The following JAM2 variants were observed in gnomAD, a reference collection of about 807,000 sequenced individuals.
The protein encoded by JAM2 is junctional adhesion molecule B.
In JAM2, 17 loss-of-function variants were observed where a neutral mutation model predicts 42.0. The observed-to-expected ratio is 0.40, with a 90% CI of 0.28 to 0.61. The LOEUF is 0.61. Ranked by LOEUF, JAM2 falls within the 20% of genes least tolerant of loss-of-function variation. The probability of loss-of-function intolerance (pLI) is 0.37; values close to 1 mark genes in which losing one functional copy is unlikely to be tolerated. For synonymous variants in JAM2, 118 were observed against 128.6 expected (o/e 0.92, Z 0.56); for missense variants, 319 against 358.3 (o/e 0.89, Z 0.89).
chr21:25,709,367 TTTTA>T, intron 7 of JAM2, 63 bp from the exon 8 acceptor site: 4 of 828,442 alleles, frequency 4.8e-6, no homozygotes, highest in Non-Finnish European at 7.6e-6. Context: ...CCAAACTCAT[TTTTA>T]TATGAATCTG....
At chr21:25,661,891 A>G (rs2033098318) in intron 1 of JAM2, among the ~76,000 whole-genome samples, 1 of 151,942 alleles carries the variant, frequency 6.6e-6, no homozygotes, top group Non-Finnish European at 1.5e-5. Context: ...AACATGAGCA[A>G]AAAATTTAAA....
intron 1 of JAM2, among the ~76,000 whole-genome samples, chr21:25,645,223 A>T (rs76277076): frequency 1.3e-5 from 2 of 152,150 alleles, no homozygotes; most frequent in Non-Finnish European, 2.9e-5. Context: ...ATTGCATAGT[A>T]TGGTGGTAAA....
chr21:25,683,854 T>G, intron 1 of JAM2, 29 bp from the exon 2 acceptor site: 1 of 1,504,284 alleles, frequency 6.6e-7, no homozygotes, highest in South Asian at 1.2e-5. Flanking sequence ...TGTATAATTT[T>G]AATTATCCTA....
At chr21:25,680,067 G>A (rs1035310679) in intron 1 of JAM2, among the ~76,000 whole-genome samples, 35 of 152,226 alleles carry the variant, frequency 2.3e-4, no homozygotes, top group African/African-American at 8.2e-4. Flanking sequence ...CTTGTAAAGC[G>A]CCAAGTGCTT....
At position 25,716,144 on chromosome 21, in the gene JAM2, T is replaced by C. The variant is rs2034477031; in HGVS notation, c.*1472T>C. On this transcript the variant is annotated 3_prime_UTR_variant, in exon 10 of 10. Coordinates refer to ENST00000480456, the MANE Select transcript of JAM2 (RefSeq NM_021219.4). ...TCCCAAGTAGCTGAGATTATAGGCG[T>C]GTACCACCACACCTGGCTAATTTTT... is the stretch of plus-strand genomic sequence containing the variant. The C allele has an allele frequency of 6.6e-6, 1 of 152,088 alleles. No individual in the cohort carries two copies. Among genetic ancestry groups the C allele is most frequent in the African/African-American group, 2.4e-5 (1 of 41,392 alleles). The allele number at this position is 152,088 out of a possible 1,614,324, so 9.4% of individuals were successfully genotyped here.
At chr21:25,656,708 G>A (rs1452268814) in intron 1 of JAM2, among the ~76,000 whole-genome samples, 1 of 152,182 alleles carries the variant, frequency 6.6e-6, no homozygotes, top group East Asian at 1.9e-4. Context: ...AATGGAGGAA[G>A]AAGTTTCACT....
At chr21:25,675,687 G>T (rs1253583999) in intron 1 of JAM2, among the ~76,000 whole-genome samples, 7 of 152,010 alleles carry the variant, frequency 4.6e-5, no homozygotes, top group Non-Finnish European at 1.0e-4. Flanking sequence ...CAGATCTCAG[G>T]AGAGCTCGCT....
chr21:25,649,118 G>A (rs760014124), intron 1 of JAM2, among the ~76,000 whole-genome samples: 13 of 152,142 alleles, frequency 8.5e-5, no homozygotes, highest in Non-Finnish European at 1.9e-4. Flanking sequence ...AAGCACATAA[G>A]TTCCTCTTGA....
chr21:25,669,694 G>T (rs1372795926), intron 1 of JAM2, among the ~76,000 whole-genome samples: 1 of 152,184 alleles, frequency 6.6e-6, no homozygotes, highest in African/African-American at 2.4e-5. Flanking sequence ...GCTTATCCAA[G>T]GTGACGTGGC....
intron 7 of JAM2, 69 bp from the exon 8 acceptor site, chr21:25,709,356 CCCAAACTCA>C: frequency 5.2e-6 from 4 of 767,260 alleles, no homozygotes; most frequent in Non-Finnish European, 8.4e-6. Context: ...ATAAATTAAA[CCCAAACTCA>C]TTTTTATATG....
intron 6 of JAM2, among the ~76,000 whole-genome samples, chr21:25,703,334 C>T (rs192376162): frequency 4.1e-4 from 62 of 152,174 alleles, no homozygotes; most frequent in Middle Eastern, 6.8e-3. Context: ...AAATACATAA[C>T]GAATAAAATT....
chr21:25,706,955 G>A (rs1601064881), intron 7 of JAM2, among the ~76,000 whole-genome samples: 1 of 151,854 alleles, frequency 6.6e-6, no homozygotes, highest in South Asian at 2.1e-4. Flanking sequence ...AGCCGGGATG[G>A]TCTCAATCTC....
intron 1 of JAM2, among the ~76,000 whole-genome samples, chr21:25,658,902 A>C (rs2033008759): frequency 6.6e-6 from 1 of 152,188 alleles, no homozygotes; most frequent in South Asian, 2.1e-4. Flanking sequence ...ACTTAGAGTT[A>C]CTTACTCAAA....
At chr21:25,658,942 AG>A (rs942761654) in intron 1 of JAM2, among the ~76,000 whole-genome samples, 1 of 152,164 alleles carries the variant, frequency 6.6e-6, no homozygotes, top group African/African-American at 2.4e-5. Context: ...CTGGAAGACA[AG>A]GATAAAAAGA....
chr21:25,648,925 A>T (rs2032691670), intron 1 of JAM2, among the ~76,000 whole-genome samples: 1 of 152,234 alleles, frequency 6.6e-6, no homozygotes, highest in South Asian at 2.1e-4. Flanking sequence ...TTTAGCAATA[A>T]AAACCTCAAG....
intron 1 of JAM2, among the ~76,000 whole-genome samples, chr21:25,654,995 T>C (rs892165617): frequency 6.6e-6 from 1 of 152,180 alleles, no homozygotes. Flanking sequence ...GTAGTGTGTA[T>C]CCAGATTCAA....
In JAM2 at chr21:25,714,125, C is replaced by T. The variant is rs933653075; in HGVS notation, c.865-515C>T. 7 of 1,267,102 alleles carry T rather than the reference C, an allele frequency of 5.5e-6. No homozygotes were observed. The Admixed American group carries it at 1.7e-4, about 30-fold the overall frequency. 78.5% of individuals were successfully genotyped at this position (1,267,102 alleles called of 1,614,324 possible). ...TGTCTGCCTCTGCCTTCCAGTCCTA[C>T]CTCTTTACTCTCTAGGCAAAGCTTC... On this transcript the variant is annotated intron_variant, in intron 9 of 9. Transcript: ENST00000480456.
intron 3 of JAM2, among the ~76,000 whole-genome samples, chr21:25,692,875 A>T (rs2033913098): frequency 1.3e-5 from 2 of 152,336 alleles, no homozygotes; most frequent in Middle Eastern, 3.4e-3. Context: ...TAAATTTTTT[A>T]AAAAAGATAT....
At chr21:25,698,946 A>C in intron 5 of JAM2, 67 bp downstream of exon 5, 1 of 1,394,654 alleles carries the variant, frequency 7.2e-7, no homozygotes, top group Non-Finnish European at 1.0e-6. Flanking sequence ...ATTAGAACTT[A>C]AGATGACGTT....
Sources: allele counts gnomAD v4.1 joint callset (sites outside exome capture counted in the v4.1 genomes callset), GRCh38; gene constraint gnomAD v4.1.1; transcripts MANE v1.5; gene names NCBI Gene and HGNC (gene_info 2026-07-23, HGNC 2026-07-21).